POLR3A: variants seen among roughly 807,000 people sequenced by gnomAD.
POLR3A encodes RNA polymerase III subunit A.
In POLR3A, 112 loss-of-function variants were observed where a neutral mutation model predicts 152.8. The ratio of observed to expected loss-of-function variants is 0.73; its 90% CI spans 0.63 to 0.86. The LOEUF is 0.86. Among genes scored for constraint, POLR3A ranks in the 40% least tolerant of loss-of-function variants. The probability of loss-of-function intolerance (pLI) is 0.00; values close to 1 mark genes in which losing one functional copy is unlikely to be tolerated. For missense variants in POLR3A, 1,385 were observed against 1,743.1 expected (o/e 0.79, Z 3.66); for synonymous variants, 615 against 652.1 (o/e 0.94, Z 0.87).
chr10:77,988,404 C>A (rs2131933318), intron 21 of POLR3A, among the ~76,000 whole-genome samples: 1 of 152,162 alleles, frequency 6.6e-6, no homozygotes, highest in Admixed American at 6.5e-5. Context: ...CACCTGTAGT[C>A]CCAGCTATTT....
At chr10:77,978,225 T>G (rs899806083) in intron 30 of POLR3A, among the ~76,000 whole-genome samples, 1 of 152,190 alleles carries the variant, frequency 6.6e-6, no homozygotes, top group Non-Finnish European at 1.5e-5. Flanking sequence ...GTGCAGATTC[T>G]TTCTCCAAGC....
At chr10:78,000,565 A>C (rs970903115) in intron 18 of POLR3A, among the ~76,000 whole-genome samples, 3 of 152,238 alleles carry the variant, frequency 2.0e-5, no homozygotes, top group Non-Finnish European at 4.4e-5. Flanking sequence ...GGCACTGAAA[A>C]TGTTCTAAAA....
rs1244047837 is a variant in POLR3A, at chr10:77,991,184, A to G, written c.2788-17T>C. On this transcript the variant is annotated splice_polypyrimidine_tract_variant and intron_variant, in intron 20 of 30. Coordinates refer to ENST00000372371, the MANE Select transcript of POLR3A (RefSeq NM_007055.4). Reference sequence around the variant, plus strand: ...GAAGACTGCCTTGAGTATTAAAAGAAAATTGCATTATGTGTGGGTGCCACA... The same window carrying G: ...GAAGACTGCCTTGAGTATTAAAAGAGAATTGCATTATGTGTGGGTGCCACA... The G allele has an allele frequency of 2.1e-6, 3 of 1,458,534 alleles. No individual in the cohort carries two copies. The highest frequency in any genetic ancestry group is 4.5e-5 in the East Asian group (2 of 44,170). The allele number at this position is 1,458,534 out of a possible 1,614,324, so 90.3% of individuals were successfully genotyped here. A position where few individuals can be genotyped will look rare whatever the true frequency, so the allele number is the denominator to read the frequency against.
chr10:78,024,461 G>T, intron 5 of POLR3A, 88 bp downstream of exon 5: 1 of 1,377,258 alleles, frequency 7.3e-7, no homozygotes, highest in Non-Finnish European at 1.0e-6. Flanking sequence ...TAGGGGTGGG[G>T]CGGAGTTGGG....
At chr10:78,008,876 G>T (rs547067879) in intron 14 of POLR3A, among the ~76,000 whole-genome samples, 65 of 151,572 alleles carry the variant, frequency 4.3e-4, no homozygotes, top group Non-Finnish European at 5.3e-4. Context: ...ATCAATCCAG[G>T]CTGGGTGCAG....
In POLR3A at chr10:78,021,897, C is replaced by T. The variant is rs1847583387; in HGVS notation, c.1011G>A (p.Trp337Ter). 6.2e-7 allele frequency: 1 copy of T among 1,614,094 alleles called. No individual in the cohort carries two copies. The highest frequency in any genetic ancestry group is 8.5e-7 in the Non-Finnish European group (1 of 1,180,020). The change falls in exon 7 of 31, where the codon TGG becomes TGA. Residue 337 changes from tryptophan (W) to a stop codon, truncating the protein, a stop_gained. Coordinates refer to ENST00000372371, the MANE Select transcript of POLR3A (RefSeq NM_007055.4). LOFTEE classifies it high-confidence loss of function. The part of the protein sequence containing the change: ...GIPLNMAPKK[W>*]TRGFVQRLKG... ...TCAGGCGTTGGACGAAGCCTCTGGT[C>T]CACTTCTTGGGTGCCATGTTGAGGG...
intron 1 of POLR3A, among the ~76,000 whole-genome samples, chr10:78,029,011 C>T (rs1847663613): frequency 6.6e-6 from 1 of 152,130 alleles, no homozygotes; most frequent in Admixed American, 6.5e-5. Flanking sequence ...GAGACAGTCC[C>T]CGCCCCAGAT....
intron 10 of POLR3A, among the ~76,000 whole-genome samples, chr10:78,015,910 C>A (rs1011231750): frequency 6.6e-6 from 1 of 152,198 alleles, no homozygotes; most frequent in Non-Finnish European, 1.5e-5. Flanking sequence ...TACATTCTCA[C>A]AATCATAATC....
At chr10:77,994,546 G>A (rs1847280688) in intron 19 of POLR3A, among the ~76,000 whole-genome samples, 1 of 151,552 alleles carries the variant, frequency 6.6e-6, no homozygotes, top group African/African-American at 2.4e-5. Flanking sequence ...CGATCAACTG[G>A]AAGAAAGGGT....
intron 5 of POLR3A, among the ~76,000 whole-genome samples, chr10:78,023,570 A>G (rs1175389595): frequency 1.3e-5 from 2 of 152,060 alleles, no homozygotes; most frequent in East Asian, 3.9e-4. Context: ...GCTTGAACCC[A>G]GGAGTTCAAA....
At position 78,002,291 on chromosome 10, in the gene POLR3A, C is replaced by G; in HGVS notation, c.2265G>C (p.Glu755Asp). 6.2e-7 allele frequency: 1 copy of G among 1,601,288 alleles called. No homozygotes were observed. Reference sequence around the variant, plus strand: ...CAGCGTGGTCACGGATCACAGACAGCTCCTTCAGGATCAGTGCCTAGTGGG... The same window carrying G: ...CAGCGTGGTCACGGATCACAGACAGGTCCTTCAGGATCAGTGCCTAGTGGG... ...EETLEALILK[E>D]LSVIRDHAGS... The change falls in exon 17 of 31, where the codon GAG becomes GAC. Residue 755 changes from glutamate (E) to aspartate (D), a missense_variant. Glu to Asp is a conservative substitution (Grantham distance 45). This residue lies in a region of POLR3A where 170 missense variants were observed against 231.2 expected (regional missense o/e 0.74). Coordinates refer to ENST00000372371, the MANE Select transcript of POLR3A (RefSeq NM_007055.4).
At chr10:78,000,938 G>C (rs768248667) in intron 18 of POLR3A, 38 bp downstream of exon 18, 3 of 1,032,314 alleles carry the variant, frequency 2.9e-6, no homozygotes, top group Non-Finnish European at 4.5e-6. Context: ...TGTAGATTAA[G>C]AGATCTTCAC....
Position 78,021,978 on chromosome 10 carries a change from C to G in POLR3A, c.930G>C (p.Trp310Cys), listed in dbSNP as rs1217230904. The change falls in exon 7 of 31, where the codon TGG (tryptophan) becomes TGC (cysteine). Residue 310 changes from tryptophan (W) to cysteine (C), a missense_variant. By Grantham distance (215) the Trp-to-Cys change is radical (BLOSUM62 -2). Coordinates refer to ENST00000372371, the MANE Select transcript of POLR3A (RefSeq NM_007055.4). ...GAKTQMIMED[W>C]DFLQLQCALY... is the part of the protein sequence containing the mutation. ...GGGCACACTGCAGCTGCAGGAAATC[C>G]CAGTCCTCCATGATCATCTGGGTCT... 7 of 1,614,174 alleles carry G rather than the reference C, an allele frequency of 4.3e-6. No individual in the cohort carries two copies. The East Asian group carries it at 1.6e-4, about 36-fold the overall frequency.
Position 78,021,675 on chromosome 10 carries a change from A to G in POLR3A, c.1056T>C (p.Phe352=). Residue 352 remains phenylalanine, a synonymous_variant, in exon 8 of 31, where the codon TTT becomes TTC. Coordinates refer to ENST00000372371, the MANE Select transcript of POLR3A (RefSeq NM_007055.4). ...CTCTCTTTCCTGAGAGATTTCCTCT[A>G]AATCGACCTAAATAGCCAAAAACAT... ...VQRLKGKQGR[F]RGNLSGKRVD... The G allele has an allele frequency of 6.2e-7, 1 of 1,614,112 alleles. No individual in the cohort carries two copies. Among genetic ancestry groups the G allele is most frequent in the Non-Finnish European group, 8.5e-7 (1 of 1,180,018 alleles).
Position 77,984,214 on chromosome 10 carries a change from G to A in POLR3A, c.3327C>T (p.Leu1109=), listed in dbSNP as rs867978151. The part of the protein sequence containing the change: ...RLVKGRIEKT[L]LGEISEYIEE... Reference sequence around the variant, plus strand: ...AGGGATTTCTTCTTACCTCTCCCAAGAGGGTTTTCTCAATTCTCCCTTTCA... The same window carrying A: ...AGGGATTTCTTCTTACCTCTCCCAAAAGGGTTTTCTCAATTCTCCCTTTCA... Residue 1109 remains leucine (L), a synonymous_variant, in exon 25 of 31, where the codon CTC becomes CTT. Coordinates refer to ENST00000372371, the MANE Select transcript of POLR3A (RefSeq NM_007055.4). 6.2e-7 allele frequency: 1 copy of A among 1,600,956 alleles called. No homozygotes were observed.
intron 19 of POLR3A, among the ~76,000 whole-genome samples, chr10:77,994,869 CA>C (rs1847284289): frequency 6.6e-6 from 1 of 152,022 alleles, no homozygotes; most frequent in East Asian, 1.9e-4. Context: ...TCAGATTCAC[CA>C]AAGTTGAAAT....
At position 77,977,521 on chromosome 10, in the gene POLR3A, A is replaced by G. The variant is rs1847100838; in HGVS notation, c.4130T>C (p.Leu1377Pro). 1.2e-6 allele frequency: 2 copies of G among 1,613,906 alleles called. No individual in the cohort carries two copies. Among genetic ancestry groups the G allele is most frequent in the Admixed American group, 1.7e-5 (1 of 60,000 alleles). ...DRDPNPPKRPLIFDTNEFHIP... is the reference protein window; with the variant it reads ...DRDPNPPKRPPIFDTNEFHIP... ...GTGGAATTCATTTGTGTCGAAGATCAGGGGCCTCTTGGGAGGGTTCGGGTC... is the reference window on the plus strand; with the variant it reads ...GTGGAATTCATTTGTGTCGAAGATCGGGGGCCTCTTGGGAGGGTTCGGGTC... The change falls in exon 31 of 31, where the codon CTG (leucine) becomes CCG (proline). Residue 1377 changes from leucine (L) to proline (P), a missense_variant. By Grantham distance (98) the Leu-to-Pro change is moderately conservative. Transcript: ENST00000372371.
chr10:77,977,351 G>T lies in POLR3A; in HGVS notation c.*127C>A. The T allele has an allele frequency of 1.1e-6, 1 of 937,610 alleles. No homozygotes were observed. Among genetic ancestry groups the T allele is most frequent in the Non-Finnish European group, 1.8e-6 (1 of 568,272 alleles). 58.1% of individuals were successfully genotyped at this position (937,610 alleles called of 1,614,324 possible). On this transcript the variant is annotated 3_prime_UTR_variant, in exon 31 of 31. Coordinates refer to ENST00000372371, the MANE Select transcript of POLR3A (RefSeq NM_007055.4). ...AGCTGCTCCTGGGGATGCCAAGAGG[G>T]CTTCTCTGATTGCTGGCATAGGTGG...
intron 19 of POLR3A, among the ~76,000 whole-genome samples, chr10:77,998,862 A>G (rs1356020074): frequency 6.6e-6 from 1 of 152,180 alleles, no homozygotes; most frequent in African/African-American, 2.4e-5. Flanking sequence ...GTATGTTTAT[A>G]GCGGCACTAT....
Sources: gnomAD v4.1 joint callset for allele counts (sites outside exome capture counted in the v4.1 genomes callset) on GRCh38, gnomAD v4.1.1 for gene constraint, gnomAD v4.1.1 regional missense constraint, MANE v1.5 for transcripts, NCBI Gene and HGNC (gene_info 2026-07-23, HGNC 2026-07-21) for gene names.